ZFHX3: variants seen among roughly 807,000 people sequenced by gnomAD.
The protein encoded by ZFHX3 is zinc finger homeobox protein 3.
ZFHX3 carries 42 observed loss-of-function variants against 279.1 expected under a neutral mutation model. That is an observed-to-expected ratio of 0.15 (90% CI 0.12 to 0.19). The LOEUF (loss-of-function observed/expected upper bound fraction) is 0.19. ZFHX3 is among the 10% of genes least tolerant of loss of function. The pLI is 1.00. For synonymous variants in ZFHX3, 2,293 were observed against 1,957.8 expected (o/e 1.17, Z -4.52); for missense variants, 4,981 against 4,754.0 (o/e 1.05, Z -1.40).
At chr16:73,087,163 C>T (rs1173253224) in intron 8 of ZFHX3, among the ~76,000 whole-genome samples, 1 of 152,044 alleles carries the variant, frequency 6.6e-6, no homozygotes, top group Non-Finnish European at 1.5e-5. Context: ...TGAATACTGC[C>T]ATGGAGAATT....
At chr16:73,799,490 G>A (rs947230798) in intron 1 of ZFHX3, among the ~76,000 whole-genome samples, 2 of 152,114 alleles carry the variant, frequency 1.3e-5, no homozygotes, top group African/African-American at 4.8e-5. Context: ...CTGCAAAGAT[G>A]GAGAAGGGAA....
intron 3 of ZFHX3, among the ~76,000 whole-genome samples, chr16:73,399,960 G>A (rs1299058297): frequency 6.6e-6 from 1 of 151,918 alleles, no homozygotes; most frequent in Non-Finnish European, 1.5e-5. Context: ...TGCATGCACA[G>A]TAACAGACGT....
intron 1 of ZFHX3, among the ~76,000 whole-genome samples, chr16:72,998,702 G>A (rs1291143106): frequency 6.6e-6 from 1 of 152,180 alleles, no homozygotes; most frequent in Non-Finnish European, 1.5e-5. Context: ...TGGCCCCACT[G>A]TAATAATTCA....
intron 5 of ZFHX3, among the ~76,000 whole-genome samples, chr16:73,164,729 C>T (rs1967318199): frequency 6.6e-6 from 1 of 150,932 alleles, no homozygotes; most frequent in Non-Finnish European, 1.5e-5. Flanking sequence ...CAATTTGGAA[C>T]CCACACCATC....
intron 4 of ZFHX3, among the ~76,000 whole-genome samples, chr16:72,841,602 C>T (rs2037347338): frequency 6.6e-6 from 1 of 152,084 alleles, no homozygotes; most frequent in East Asian, 1.9e-4. Flanking sequence ...AACAAAATGC[C>T]ACCCCCACAT....
intron 2 of ZFHX3, among the ~76,000 whole-genome samples, chr16:73,518,544 T>C (rs898503703): frequency 6.6e-6 from 1 of 152,094 alleles, no homozygotes; most frequent in Non-Finnish European, 1.5e-5. Context: ...AGAGGGACAG[T>C]TAGCTCCTGG....
At chr16:73,494,723 C>T (rs1421590916) in intron 2 of ZFHX3, among the ~76,000 whole-genome samples, 1 of 137,206 alleles carries the variant, frequency 7.3e-6, no homozygotes, top group East Asian at 2.1e-4. Context: ...CCATGACCGG[C>T]TAATTTTTTT....
chr16:73,729,841 A>C (rs1255058533), intron 1 of ZFHX3, among the ~76,000 whole-genome samples: 1 of 152,166 alleles, frequency 6.6e-6, no homozygotes, highest in Non-Finnish European at 1.5e-5. Flanking sequence ...AAGGAAGAAG[A>C]ATCTAGACTT....
At chr16:73,474,518 A>G (rs1265131672) in intron 2 of ZFHX3, among the ~76,000 whole-genome samples, 1 of 152,220 alleles carries the variant, frequency 6.6e-6, no homozygotes, top group African/African-American at 2.4e-5. Flanking sequence ...AAACTCCAAC[A>G]GGTGAACTAG....
intron 5 of ZFHX3, among the ~76,000 whole-genome samples, chr16:72,816,304 A>G (rs1030616486): frequency 2.0e-5 from 3 of 152,230 alleles, no homozygotes; most frequent in Non-Finnish European, 2.9e-5. Flanking sequence ...GTTATAAAAT[A>G]TGAAAATATG....
intron 1 of ZFHX3, among the ~76,000 whole-genome samples, chr16:73,755,284 G>A (rs191764617): frequency 6.6e-6 from 1 of 151,934 alleles, no homozygotes; most frequent in Admixed American, 6.6e-5. Context: ...GTTTACGTTG[G>A]ATATAACGAC....
At chr16:73,853,724 G>A (rs1961648374) in intron 1 of ZFHX3, among the ~76,000 whole-genome samples, 1 of 152,036 alleles carries the variant, frequency 6.6e-6, no homozygotes. Flanking sequence ...AACCATCCAG[G>A]TACAATGTTG....
At chr16:72,931,566 T>TA (rs35230717) in intron 3 of ZFHX3, among the ~76,000 whole-genome samples, 2,110 of 131,138 alleles carry the variant, frequency 0.016, 51 homozygotes, top group African/African-American at 0.053. Flanking sequence ...ATGCACCATT[T>TA]AAAAAAAAAA....
chr16:73,072,591 A>C (rs1965837416), intron 8 of ZFHX3, among the ~76,000 whole-genome samples: 1 of 152,098 alleles, frequency 6.6e-6, no homozygotes, highest in Non-Finnish European at 1.5e-5. Flanking sequence ...TAGAGACAGA[A>C]TCTTGCTTTG....
intron 5 of ZFHX3, among the ~76,000 whole-genome samples, chr16:73,209,568 ACTTCCCATTAGGTCCCATCTCC>A (rs2011936070): frequency 6.6e-6 from 1 of 152,200 alleles, no homozygotes; most frequent in Non-Finnish European, 1.5e-5. Flanking sequence ...TCCATGAAGC[ACTTCCCATTAGGTCCCATCTCC>A]CAACATTGTT....
chr16:73,804,089 T>C (rs886736222), intron 1 of ZFHX3, among the ~76,000 whole-genome samples: 4 of 152,252 alleles, frequency 2.6e-5, no homozygotes, highest in Non-Finnish European at 4.4e-5. Context: ...CCTGGGAGGC[T>C]GAGGCTCCAG....
At chr16:72,865,041 T>C (rs2143920792) in intron 4 of ZFHX3, among the ~76,000 whole-genome samples, 2 of 152,328 alleles carry the variant, frequency 1.3e-5, no homozygotes, top group South Asian at 4.1e-4. Context: ...AAAGTGGATT[T>C]TGCATTCCTG....
At chr16:73,310,131 A>C (rs902497763) in intron 4 of ZFHX3, among the ~76,000 whole-genome samples, 3 of 151,664 alleles carry the variant, frequency 2.0e-5, no homozygotes, top group Admixed American at 1.3e-4. Context: ...CTGGTCTCGA[A>C]CACCTGACCT....
chr16:73,060,742 T>G, upstream of ZFHX3: 1 of 152,166 alleles, frequency 6.6e-6, no homozygotes, highest in East Asian at 1.9e-4. Context: ...GCATTATTAG[T>G]AAACCCTGTA....
Sources: allele counts gnomAD v4.1 joint callset (sites outside exome capture counted in the v4.1 genomes callset), GRCh38; gene constraint gnomAD v4.1.1; transcripts MANE v1.5; gene names NCBI Gene and HGNC (gene_info 2026-07-23, HGNC 2026-07-21).